The following VTI1A variants were observed in gnomAD, a reference collection of about 807,000 sequenced individuals.
VTI1A encodes the protein vesicle transport through interaction with t-SNAREs 1A.
In VTI1A, 22 loss-of-function variants were observed where a neutral mutation model predicts 34.9. The ratio of observed to expected loss-of-function variants is 0.63; its 90% CI spans 0.45 to 0.90. VTI1A has a LOEUF of 0.90. Ranked by LOEUF, VTI1A falls within the 40% of genes least tolerant of loss-of-function variation. The probability of loss-of-function intolerance (pLI) is 0.00; values close to 1 mark genes in which losing one functional copy is unlikely to be tolerated. For synonymous variants in VTI1A, 87 were observed against 97.3 expected, an observed-to-expected ratio of 0.89 and a Z score of 0.62; for missense variants, 268 against 275.6, an observed-to-expected ratio of 0.97 and a Z score of 0.20.
chr10:112,465,768 T>C (rs962245601), intron 3 of VTI1A, among the ~76,000 whole-genome samples: 1 of 152,144 alleles, frequency 6.6e-6, no homozygotes, highest in African/African-American at 2.4e-5. Context: ...GACTGAAACT[T>C]ACAAAAATTT....
intron 7 of VTI1A, among the ~76,000 whole-genome samples, chr10:112,682,646 G>T (rs1451900314): frequency 6.6e-6 from 1 of 152,184 alleles, no homozygotes; most frequent in Non-Finnish European, 1.5e-5. Context: ...GAGAGAGAAG[G>T]AGCATTTTTA....
chr10:112,704,030 A>T (rs911813366), intron 7 of VTI1A, among the ~76,000 whole-genome samples: 2 of 152,174 alleles, frequency 1.3e-5, no homozygotes, highest in Admixed American at 1.3e-4. Flanking sequence ...TTGCATAATT[A>T]TGGTACTTTT....
intron 5 of VTI1A, among the ~76,000 whole-genome samples, chr10:112,544,528 G>T (rs1850998836): frequency 6.6e-6 from 1 of 151,938 alleles, no homozygotes; most frequent in Admixed American, 6.6e-5. Context: ...AGTTAATAAT[G>T]GACAAGACCA....
At chr10:112,705,071 GTT>G (rs11294730) in intron 7 of VTI1A, among the ~76,000 whole-genome samples, 7 of 140,588 alleles carry the variant, frequency 5.0e-5, no homozygotes, top group African/African-American at 1.0e-4. Context: ...AAGTTTTTAA[GTT>G]TTTTTTTTTT....
chr10:112,646,230 A>G (rs762622929), intron 5 of VTI1A, among the ~76,000 whole-genome samples: 1 of 152,092 alleles, frequency 6.6e-6, no homozygotes, highest in Non-Finnish European at 1.5e-5. Context: ...GTGCATTCTG[A>G]AAAAAACCAA....
At chr10:112,828,290 T>C in the VTI1A span, among the ~76,000 whole-genome samples, 1 of 152,206 alleles carries the variant, frequency 6.6e-6, no homozygotes, top group African/African-American at 2.4e-5. Flanking sequence ...TTCCATACTG[T>C]AGCTCCAGTG....
At chr10:112,570,490 T>C (rs1852078389) in intron 5 of VTI1A, among the ~76,000 whole-genome samples, 1 of 152,204 alleles carries the variant, frequency 6.6e-6, no homozygotes, top group South Asian at 2.1e-4. Flanking sequence ...TTGGAAAAAT[T>C]AGTATCAAAT....
intron 5 of VTI1A, among the ~76,000 whole-genome samples, chr10:112,591,616 C>G (rs995497043): frequency 6.6e-6 from 1 of 152,178 alleles, no homozygotes; most frequent in Non-Finnish European, 1.5e-5. Context: ...TTCTCAAGGT[C>G]TTTACCCTTT....
At chr10:112,815,200 C>T (rs991116966) in intron 7 of VTI1A, 90 bp from the exon 8 acceptor site, 9 of 882,058 alleles carry the variant, frequency 1.0e-5, no homozygotes, top group Admixed American at 2.0e-5. Context: ...GCAAAGCTGC[C>T]GTTTGATTAG....
intron 5 of VTI1A, among the ~76,000 whole-genome samples, chr10:112,567,865 A>G (rs999416686): frequency 6.6e-6 from 1 of 152,242 alleles, no homozygotes; most frequent in African/African-American, 2.4e-5. Flanking sequence ...CTCTGTGGAA[A>G]GGAGGACCAT....
At chr10:112,477,643 G>A (rs529563500) in intron 3 of VTI1A, among the ~76,000 whole-genome samples, 14 of 152,302 alleles carry the variant, frequency 9.2e-5, no homozygotes, top group Middle Eastern at 3.4e-3. Context: ...TTATGCTTTG[G>A]AAAGTCACAT....
intron 3 of VTI1A, among the ~76,000 whole-genome samples, chr10:112,518,611 A>G (rs10082359): frequency 0.092 from 12,356 of 134,048 alleles, 699 homozygotes; most frequent in East Asian, 0.13. Context: ...ATATATATAT[A>G]TGTGTGTGTG....
chr10:112,636,222 A>G (rs920940482), intron 5 of VTI1A, among the ~76,000 whole-genome samples: 1 of 152,218 alleles, frequency 6.6e-6, no homozygotes, highest in African/African-American at 2.4e-5. Context: ...CATCCCATAA[A>G]TCTTTATATA....
intron 5 of VTI1A, among the ~76,000 whole-genome samples, chr10:112,565,789 A>G (rs1851887375): frequency 6.6e-6 from 1 of 152,210 alleles, no homozygotes; most frequent in Non-Finnish European, 1.5e-5. Flanking sequence ...TATAACAAAA[A>G]AGAACATATT....
intron 7 of VTI1A, among the ~76,000 whole-genome samples, chr10:112,805,410 C>T (rs949314746): frequency 2.6e-5 from 4 of 152,190 alleles, no homozygotes; most frequent in African/African-American, 7.2e-5. Flanking sequence ...TGACATATGT[C>T]ACTGGCTGCT....
chr10:112,846,888 A>C, the VTI1A span, among the ~76,000 whole-genome samples: 1 of 152,248 alleles, frequency 6.6e-6, no homozygotes, highest in Non-Finnish European at 1.5e-5. Flanking sequence ...TAGAAAGTCT[A>C]ACTTGGAAGA....
At chr10:112,770,752 T>C in intron 7 of VTI1A, among the ~76,000 whole-genome samples, 1 of 151,998 alleles carries the variant, frequency 6.6e-6, no homozygotes, top group South Asian at 2.1e-4. Flanking sequence ...TTAAATCTTA[T>C]AACACCCTGC....
At chr10:112,541,885 A>G (rs1850884673) in intron 5 of VTI1A, among the ~76,000 whole-genome samples, 1 of 152,222 alleles carries the variant, frequency 6.6e-6, no homozygotes, top group Admixed American at 6.5e-5. Context: ...TGATGAAGCT[A>G]CAAGTTAATT....
At chr10:112,626,579 C>CA (rs112330401) in intron 5 of VTI1A, among the ~76,000 whole-genome samples, 190 of 140,458 alleles carry the variant, frequency 1.4e-3, no homozygotes, top group Middle Eastern at 3.6e-3. Flanking sequence ...CAAGTATTTG[C>CA]AAAAAAAAAA....
Sources: allele counts gnomAD v4.1 joint callset (sites outside exome capture counted in the v4.1 genomes callset), GRCh38; gene constraint gnomAD v4.1.1; transcripts MANE v1.5; gene names NCBI Gene and HGNC (gene_info 2026-07-23, HGNC 2026-07-21).